The following WDR33 variants were observed in gnomAD, a reference collection of about 807,000 sequenced individuals.
WDR33 encodes pre-mRNA 3' end processing protein WDR33.
A neutral mutation model predicts 164.9 loss-of-function variants in WDR33; 47 were observed. That is an observed-to-expected ratio of 0.29 (90% confidence interval 0.23 to 0.36). WDR33 has a LOEUF of 0.36. Among genes scored for constraint, WDR33 ranks in the 10% least tolerant of loss-of-function variants. The pLI, the probability that WDR33 is intolerant of heterozygous loss-of-function variation, is 1.00. For synonymous variants in WDR33, 505 were observed against 589.0 expected (o/e 0.86, Z 2.06); for missense variants, 1,137 against 1,754.1 (o/e 0.65, Z 6.28).
intron 7 of WDR33, among the ~76,000 whole-genome samples, chr2:127,754,778 T>C (rs1687474641): frequency 6.6e-6 from 1 of 152,064 alleles, no homozygotes; most frequent in Non-Finnish European, 1.5e-5. Flanking sequence ...CCAAATATGA[T>C]GTCCTATATC....
Position 127,719,567 on chromosome 2 carries a change from G to C in WDR33, c.2458C>G (p.Leu820Val), listed in dbSNP as rs1289026114. 2 of 1,614,008 alleles carry C rather than the reference G, an allele frequency of 1.2e-6. No individual in the cohort carries two copies. The highest frequency in any genetic ancestry group is 2.2e-5 in the East Asian group (1 of 44,858). Residue 820 changes from leucine to valine, a missense_variant, in exon 16 of 22, where the codon CTG (leucine) becomes GTG (valine). Physicochemically the swap from Leu to Val is conservative, Grantham distance 32 (BLOSUM62 1). Transcript: ENST00000322313. The surrounding 1 kb of genome is among the most constrained non-coding windows in gnomAD (Gnocchi z 6.5). ...CTCATTTCCTGAGGGCCGTGTCCCA[G>C]TAGTCCACCTGGAGGGTGAGGTCCT... is the stretch of plus-strand genomic sequence containing the variant. ...MRGPHPPGGL[L>V]GHGPQEMRGP...
At chr2:127,744,271 G>GT (rs754819296) in intron 7 of WDR33, among the ~76,000 whole-genome samples, 25 of 151,972 alleles carry the variant, frequency 1.6e-4, no homozygotes, top group Non-Finnish European at 2.6e-4. Flanking sequence ...GAAAATTTAC[G>GT]TAAGTAACAC....
rs979537939 is a variant in WDR33, at chr2:127,763,437, T to C, written c.627-278A>G. The C allele has an allele frequency of 4.3e-6, 5 of 1,163,060 alleles. No homozygotes were observed. In the African/African-American group the frequency reaches 7.9e-5, roughly 18 times the overall value. The allele number at this position is 1,163,060 out of a possible 1,614,324, so 72.0% of individuals were successfully genotyped here. A position where few individuals can be genotyped will look rare whatever the true frequency, so the allele number is the denominator to read the frequency against. On this transcript the variant is annotated intron_variant, in intron 6 of 21. Transcript: ENST00000322313. This position sits in a 1 kb window ranked among gnomAD's most constrained non-coding sequence, Gnocchi z 4.5. ...AATGCTATCCATGTTCCTTCTCTAT[T>C]TTCTATGATACGAGGAAATCACATG...
intron 7 of WDR33, among the ~76,000 whole-genome samples, chr2:127,756,112 T>C (rs1439533349): frequency 6.6e-6 from 1 of 152,044 alleles, no homozygotes; most frequent in East Asian, 1.9e-4. Context: ...GACGAGCGGA[T>C]CACTTGAGGT....
At chr2:127,761,425 C>A (rs1428325651) in intron 7 of WDR33, among the ~76,000 whole-genome samples, 4 of 152,166 alleles carry the variant, frequency 2.6e-5, no homozygotes, top group Non-Finnish European at 4.4e-5. Flanking sequence ...TGGTCTTGAT[C>A]TCCTGACCTC....
At chr2:127,806,730 C>T (rs1341277678) in intron 1 of WDR33, among the ~76,000 whole-genome samples, 4 of 146,986 alleles carry the variant, frequency 2.7e-5, no homozygotes, top group Non-Finnish European at 4.5e-5. Flanking sequence ...AGATTTCATG[C>T]TAATTGCCTT....
In WDR33 at chr2:127,708,892, C is replaced by T. The variant is rs774576813; in HGVS notation, c.3566G>A (p.Gly1189Glu). The change falls in exon 21 of 22, where the codon GGG becomes GAG. Residue 1189 changes from glycine (G) to glutamate (E), a missense_variant and splice_region_variant. Physicochemically the swap from Gly to Glu is moderately conservative, Grantham distance 98. Coordinates refer to ENST00000322313, the MANE Select transcript of WDR33 (RefSeq NM_018383.5). The surrounding 1 kb of genome is among the most constrained non-coding windows in gnomAD (Gnocchi z 6.7). ...ATCACGAAAATGTTCATGACCTGGC[C>T]CTGAAACAAGAAACAAATCTCCTTA... ...PDSWDGNREP[G>E]PGHEHFRDTP... 1.6e-5 allele frequency: 25 copies of T among 1,549,122 alleles called. No homozygotes were observed. Among genetic ancestry groups the T allele is most frequent in the Admixed American group, 5.7e-5 (3 of 52,902 alleles).
At chr2:127,749,454 G>A (rs994233804) in intron 7 of WDR33, among the ~76,000 whole-genome samples, 2 of 152,094 alleles carry the variant, frequency 1.3e-5, no homozygotes, top group Non-Finnish European at 2.9e-5. Context: ...CCGAGGTCAG[G>A]GGTTTGAGAC....
intron 1 of WDR33, among the ~76,000 whole-genome samples, chr2:127,786,878 T>C (rs1253993629): frequency 1.4e-5 from 2 of 141,424 alleles, no homozygotes; most frequent in Non-Finnish European, 3.1e-5. Context: ...TATTTTTTTA[T>C]TGATAATTCT....
intron 9 of WDR33, 36 bp from the exon 10 acceptor site, chr2:127,725,001 C>G: frequency 6.2e-7 from 1 of 1,614,164 alleles, no homozygotes; most frequent in Non-Finnish European, 8.5e-7. Context: ...ACACAATTAT[C>G]AGGATCTGAG....
Position 127,706,844 on chromosome 2 carries a change from C to T in WDR33, c.3782-292G>A, listed in dbSNP as rs550450272. ...AGCAAGGAGCACCTTCAGGGAGACC[C>T]GGGCCACACTGGGCCATGTCCCAGG... On this transcript the variant is annotated intron_variant, in intron 21 of 21. Coordinates refer to ENST00000322313, the MANE Select transcript of WDR33 (RefSeq NM_018383.5). The surrounding 1 kb of genome is among the most constrained non-coding windows in gnomAD (Gnocchi z 5.1). Among the ~76,000 whole-genome samples the T allele has an allele frequency of 1.2e-4, 18 of 152,314 alleles. No individual in the cohort carries two copies. The South Asian group carries it at 3.5e-3, about 30-fold the overall frequency.
At chr2:127,795,347 C>A (rs1689001286) in intron 1 of WDR33, among the ~76,000 whole-genome samples, 1 of 151,884 alleles carries the variant, frequency 6.6e-6, no homozygotes, top group African/African-American at 2.4e-5. Flanking sequence ...GATCTGCCCA[C>A]CTCAGCCTCC....
At position 127,701,387 on chromosome 2, in the gene WDR33, A is replaced by G. The variant is rs940946329; in HGVS notation, c.*4936T>C. 6.6e-5 allele frequency: 52 copies of G among 792,012 alleles called. No homozygotes were observed. In the East Asian group the frequency reaches 1.8e-3, roughly 28 times the overall value. The allele number at this position is 792,012 out of a possible 1,614,324, so 49.1% of individuals were successfully genotyped here. On this transcript the variant is annotated 3_prime_UTR_variant, in exon 22 of 22. Transcript: ENST00000322313. ...GGGACACCACAAAAGTCCGCAGAGC[A>G]GGCACCGCGGCACTTCCGCGAGCGC... is the stretch of plus-strand genomic sequence containing the variant.
In WDR33 at chr2:127,709,999, AG is replaced by A; in HGVS notation, c.3309-144del. ...CAAAATAAAACTATATATTTTTGAA[AG>A]GATACATTATATAATCCTATTAATA... On this transcript the variant is annotated intron_variant, in intron 18 of 21. Transcript: ENST00000322313. The surrounding 1 kb of genome is among the most constrained non-coding windows in gnomAD (Gnocchi z 5.0). The A allele has an allele frequency of 8.9e-7, 1 of 1,124,248 alleles. No individual in the cohort carries two copies. The allele number at this position is 1,124,248 out of a possible 1,614,324, so 69.6% of individuals were successfully genotyped here. A position where few individuals can be genotyped will look rare whatever the true frequency, so the allele number is the denominator to read the frequency against.
rs182605780 is a variant in WDR33 at position 127,726,737 on chromosome 2, G to T, written c.765C>A (p.Thr255=). 4.7e-4 allele frequency: 765 copies of T among 1,614,122 alleles called. 11 individuals are homozygous for T. In the East Asian group the frequency reaches 0.012, roughly 26 times the overall value. Residue 255 remains threonine, a synonymous_variant, in exon 8 of 22, where the codon ACC becomes ACA. Transcript: ENST00000322313. The surrounding 1 kb of genome is among the most constrained non-coding windows in gnomAD (Gnocchi z 4.8). Reference sequence around the variant, plus strand: ...TACTTCCTGAAACAACTAACCCTTTGGTTGGATGCCAGTCTACACATTTCA... The same window carrying T: ...TACTTCCTGAAACAACTAACCCTTTTGTTGGATGCCAGTCTACACATTTCA... ...ADVKCVDWHP[T]KGLVVSGSKD... is the part of the protein sequence containing the mutation.
Position 127,764,614 on chromosome 2 carries a change from A to T in WDR33, c.626+214T>A. 1 of 1,553,614 alleles carries T rather than the reference A, an allele frequency of 6.4e-7. No homozygotes were observed. The highest frequency in any genetic ancestry group is 8.7e-7 in the Non-Finnish European group (1 of 1,147,704). On this transcript the variant is annotated intron_variant, in intron 6 of 21. Transcript: ENST00000322313. This position sits in a 1 kb window ranked among gnomAD's most constrained non-coding sequence, Gnocchi z 6.2. Reference sequence around the variant, plus strand: ...ATGCGGCAGACAGTACATCTCTAACATATTGCAAAGGCTGATACCGGGACA... The same window carrying T: ...ATGCGGCAGACAGTACATCTCTAACTTATTGCAAAGGCTGATACCGGGACA...
intron 1 of WDR33, among the ~76,000 whole-genome samples, chr2:127,788,521 G>T (rs1351360756): frequency 8.7e-5 from 11 of 126,536 alleles, no homozygotes; most frequent in East Asian, 5.1e-4. Context: ...CGGGTGGGGG[G>T]GCTGACCCCC....
intron 18 of WDR33, among the ~76,000 whole-genome samples, chr2:127,711,780 A>ATATATATTTTTTTTTTTT: frequency 2.3e-5 from 2 of 88,304 alleles, no homozygotes; most frequent in African/African-American, 1.3e-4. Context: ...ATATATATAT[A>ATATATATTTTTTTTTTTT]TTTTTTTTTT....
At chr2:127,802,656 T>C (rs1689294390) in intron 1 of WDR33, among the ~76,000 whole-genome samples, 1 of 152,094 alleles carries the variant, frequency 6.6e-6, no homozygotes, top group Admixed American at 6.6e-5. Context: ...TTCAGTAGAT[T>C]TTAAACCATG....
Sources: allele counts gnomAD v4.1 joint callset (sites outside exome capture counted in the v4.1 genomes callset), GRCh38; gene constraint gnomAD v4.1.1; non-coding constraint Gnocchi (gnomAD v3.1); transcripts MANE v1.5; gene names NCBI Gene and HGNC (gene_info 2026-07-23, HGNC 2026-07-21).